The following PLEKHD1 variants were observed in gnomAD, a reference collection of about 807,000 sequenced individuals.
PLEKHD1 encodes pleckstrin homology and coiled-coil domain containing D1.
In PLEKHD1, 51 loss-of-function variants were observed where a neutral mutation model predicts 69.2. The ratio of observed to expected loss-of-function variants is 0.74; its 90% CI spans 0.59 to 0.93. PLEKHD1 has a LOEUF of 0.93. Ranked by LOEUF, PLEKHD1 falls within the 40% of genes least tolerant of loss-of-function variation. The probability of loss-of-function intolerance (pLI) is 0.00; values close to 1 mark genes in which losing one functional copy is unlikely to be tolerated. For synonymous variants in PLEKHD1, 236 were observed against 244.7 expected (o/e 0.96, Z 0.33); for missense variants, 584 against 641.0 (o/e 0.91, Z 0.96).
chr14:69,524,394 C>T (rs916525792), intron 8 of PLEKHD1, 72 bp downstream of exon 8: 33 of 1,297,812 alleles, frequency 2.5e-5, no homozygotes, highest in Non-Finnish European at 3.3e-5. Context: ...ACTGTTTTTT[C>T]CAGCAGTGTT....
At chr14:69,524,174 T>G in intron 7 of PLEKHD1, 55 bp from the exon 8 acceptor site, 10 of 1,354,572 alleles carry the variant, frequency 7.4e-6, no homozygotes, top group Non-Finnish European at 1.0e-5. Flanking sequence ...GCAGAGGTGA[T>G]TGGTGGGGGG....
At position 69,527,303 on chromosome 14, in the gene PLEKHD1, G is replaced by A. The variant is rs775249524; in HGVS notation, c.1172G>A (p.Arg391Lys). Reference sequence around the variant, plus strand: ...GTGCGGAATAAGGAGAAGGAGGAGAGGATGCGGGCTGATGTGAGCCATCTG... The same window carrying A: ...GTGCGGAATAAGGAGAAGGAGGAGAAGATGCGGGCTGATGTGAGCCATCTG... ...SKVRNKEKEE[R>K]MRADVSHLKR... The change falls in exon 11 of 13, where the codon AGG becomes AAG. Residue 391 changes from arginine (R) to lysine (K), a missense_variant. Physicochemically the swap from Arg to Lys is conservative, Grantham distance 26. Coordinates refer to ENST00000322564, the MANE Select transcript of PLEKHD1 (RefSeq NM_001161498.2). 1.3e-6 allele frequency: 2 copies of A among 1,551,796 alleles called. No individual in the cohort carries two copies. Among genetic ancestry groups the A allele is most frequent in the South Asian group, 2.4e-5 (2 of 84,064 alleles).
At position 69,484,998 on chromosome 14, in the gene PLEKHD1, C is replaced by T. The variant is rs1882622480; in HGVS notation, c.33C>T (p.Pro11=). The change falls in exon 1 of 13, where the codon CCC becomes CCT. Residue 11 remains proline, a synonymous_variant. Transcript: ENST00000322564. MFTSKSNSVS[P]SPSLEQADSD... Reference sequence around the variant, plus strand: ...CGTCCAAGTCCAACTCGGTGTCGCCCTCGCCGTCCCTGGAGCAGGCTGACT... The same window carrying T: ...CGTCCAAGTCCAACTCGGTGTCGCCTTCGCCGTCCCTGGAGCAGGCTGACT... 1.3e-6 allele frequency: 2 copies of T among 1,551,188 alleles called. No homozygotes were observed. The highest frequency in any genetic ancestry group is 3.9e-5 in the Admixed American group (2 of 50,992).
chr14:69,492,203 C>A (rs1314375355), intron 1 of PLEKHD1, among the ~76,000 whole-genome samples: 1 of 152,212 alleles, frequency 6.6e-6, no homozygotes, highest in East Asian at 1.9e-4. Context: ...ATTTTTATAA[C>A]TTTGAACACA....
chr14:69,502,799 A>AG, intron 5 of PLEKHD1, 28 bp from the exon 6 acceptor site: 1 of 1,539,780 alleles, frequency 6.5e-7, no homozygotes, highest in Non-Finnish European at 8.8e-7. Flanking sequence ...TTGTGTGTGC[A>AG]TGTGTGTGTG....
At chr14:69,527,672 C>A in intron 11 of PLEKHD1, 111 bp from the exon 12 acceptor site, 1 of 1,361,842 alleles carries the variant, frequency 7.3e-7, no homozygotes. Context: ...TCTCGAGGGA[C>A]GGGGTCAAAA....
At position 69,525,928 on chromosome 14, in the gene PLEKHD1, C is replaced by T; in HGVS notation, c.745-16C>T. The T allele has an allele frequency of 4.5e-6, 7 of 1,540,836 alleles. No individual in the cohort carries two copies. The highest frequency in any genetic ancestry group is 6.1e-6 in the Non-Finnish European group (7 of 1,143,240). ...CTAAATTGGGCTTTTCTTTTCCTTG[C>T]CTCCCTCCATGCCAGGAACTCTCCA... On this transcript the variant is annotated splice_polypyrimidine_tract_variant and intron_variant, in intron 8 of 12. Coordinates refer to ENST00000322564, the MANE Select transcript of PLEKHD1 (RefSeq NM_001161498.2).
upstream of PLEKHD1, among the ~76,000 whole-genome samples, chr14:69,483,933 G>C (rs1213730355): frequency 6.6e-6 from 1 of 152,274 alleles, no homozygotes; most frequent in Non-Finnish European, 1.5e-5. Flanking sequence ...TCCGAAAGGA[G>C]CGGAAGCGGA....
intron 3 of PLEKHD1, 75 bp downstream of exon 3, chr14:69,500,741 C>T: frequency 6.6e-7 from 1 of 1,517,658 alleles, no homozygotes; most frequent in African/African-American, 1.4e-5. Context: ...GGACACACAT[C>T]CCATGTCCTG....
chr14:69,524,676 C>T (rs1883600711), intron 8 of PLEKHD1, among the ~76,000 whole-genome samples: 1 of 152,132 alleles, frequency 6.6e-6, no homozygotes, highest in South Asian at 2.1e-4. Flanking sequence ...GTGTCTTGTT[C>T]GCTTAGCTGC....
chr14:69,530,212 G>C lies in PLEKHD1; in HGVS notation c.*1793G>C, dbSNP rs889437464. The stretch of plus-strand genomic sequence containing the variant: ...CTGCTAGGCTGGCCGAGCCCAGGCC[G>C]GGCTGCCCTGCTCTTTGCTCAGTGC... On this transcript the variant is annotated 3_prime_UTR_variant, in exon 13 of 13. Transcript: ENST00000322564. 1 of 152,192 alleles carries C rather than the reference G, an allele frequency of 6.6e-6. No homozygotes were observed. Among genetic ancestry groups the C allele is most frequent in the African/African-American group, 2.4e-5 (1 of 41,442 alleles). The allele number at this position is 152,192 out of a possible 1,614,324, so 9.4% of individuals were successfully genotyped here. A position where few individuals can be genotyped will look rare whatever the true frequency, so the allele number is the denominator to read the frequency against.
chr14:69,508,568 C>T (rs1464397968), intron 6 of PLEKHD1, among the ~76,000 whole-genome samples: 1 of 152,210 alleles, frequency 6.6e-6, no homozygotes, highest in African/African-American at 2.4e-5. Context: ...GCATGCACCA[C>T]CATGCACGGC....
At chr14:69,486,806 C>T (rs1882664211) in intron 1 of PLEKHD1, among the ~76,000 whole-genome samples, 1 of 152,202 alleles carries the variant, frequency 6.6e-6, no homozygotes, top group African/African-American at 2.4e-5. Flanking sequence ...TCTGCACCTA[C>T]AGTTGATTCC....
At position 69,485,023 on chromosome 14, in the gene PLEKHD1, TCGGA is replaced by T; in HGVS notation, c.61_64del (p.Asp21ProfsTer82). The T allele has an allele frequency of 6.4e-7, 1 of 1,551,362 alleles. No individual in the cohort carries two copies. Among genetic ancestry groups the T allele is most frequent in the Non-Finnish European group, 8.7e-7 (1 of 1,146,892 alleles). Reference sequence around the variant, plus strand: ...CTCGCCGTCCCTGGAGCAGGCTGACTCGGACGCCCTGGATATCAGCACCAAAGTG... The same window carrying T: ...CTCGCCGTCCCTGGAGCAGGCTGACTCGCCCTGGATATCAGCACCAAAGTG... On this transcript the variant is annotated frameshift_variant, in exon 1 of 13. Transcript: ENST00000322564. LOFTEE classifies it high-confidence loss of function.
the PLEKHD1 span, among the ~76,000 whole-genome samples, chr14:69,468,111 G>A: frequency 6.6e-6 from 1 of 152,328 alleles, no homozygotes; most frequent in South Asian, 2.1e-4. Context: ...GAAGAGGTCA[G>A]GCATTCACAT....
intron 6 of PLEKHD1, among the ~76,000 whole-genome samples, chr14:69,517,139 G>A (rs890931112): frequency 1.3e-5 from 2 of 152,028 alleles, no homozygotes; most frequent in Non-Finnish European, 2.9e-5. Context: ...GGGGGCTGGG[G>A]GTGGGGGGCA....
At chr14:69,476,749 G>T in the PLEKHD1 span, among the ~76,000 whole-genome samples, 6 of 152,172 alleles carry the variant, frequency 3.9e-5, no homozygotes, top group African/African-American at 1.4e-4. Flanking sequence ...AGGGCCAGGG[G>T]AATGACTGTG....
rs1882615091 is a variant in PLEKHD1 at position 69,484,789 on chromosome 14, C to G, written c.-177C>G. On this transcript the variant is annotated 5_prime_UTR_variant, in exon 1 of 13. Coordinates refer to ENST00000322564, the MANE Select transcript of PLEKHD1 (RefSeq NM_001161498.2). ...AGCCGCCGGCTACGCGCCCTGCGCC[C>G]CCTTGGTGCCGCGTCCAGTGCCCAG... is the stretch of plus-strand genomic sequence containing the variant. 1 of 678,578 alleles carries G rather than the reference C, an allele frequency of 1.5e-6. No homozygotes were observed. The highest frequency in any genetic ancestry group is 2.3e-6 in the Non-Finnish European group (1 of 427,828). The allele number at this position is 678,578 out of a possible 1,614,324, so 42.0% of individuals were successfully genotyped here.
intron 5 of PLEKHD1, 35 bp downstream of exon 5, chr14:69,501,860 C>A: frequency 1.3e-6 from 2 of 1,498,254 alleles, no homozygotes; most frequent in Non-Finnish European, 1.8e-6. Context: ...ATGGTAGCAG[C>A]ACTTGGGGAC....
Sources: gnomAD v4.1 joint callset for allele counts (sites outside exome capture counted in the v4.1 genomes callset) on GRCh38, gnomAD v4.1.1 for gene constraint, MANE v1.5 for transcripts, NCBI Gene and HGNC (gene_info 2026-07-23, HGNC 2026-07-21) for gene names.